The following LRP1B variants were observed in gnomAD, a reference collection of about 807,000 sequenced individuals.
LRP1B encodes the protein LDL receptor related protein 1B, also known as low-density lipoprotein receptor-related protein 1B.
LRP1B carries 217 observed loss-of-function variants against 556.6 expected under a neutral mutation model. The ratio of observed to expected loss-of-function variants is 0.39; its 90% CI spans 0.35 to 0.44. LRP1B has a LOEUF of 0.44. Ranked by LOEUF, LRP1B falls within the 20% of genes least tolerant of loss-of-function variation. The probability of loss-of-function intolerance (pLI) is 1.00; values close to 1 mark genes in which losing one functional copy is unlikely to be tolerated. For missense variants in LRP1B, 5,053 were observed against 5,620.8 expected, an observed-to-expected ratio of 0.90 and a Z score of 3.23; for synonymous variants, 2,047 against 1,865.8, an observed-to-expected ratio of 1.10 and a Z score of -2.50.
chr2:140,973,042 A>G lies in LRP1B; in HGVS notation c.2887+9118T>C, dbSNP rs551462485. Among the ~76,000 whole-genome samples the G allele has an allele frequency of 1.2e-4, 13 of 105,738 alleles. No homozygotes were observed. The East Asian group carries it at 2.1e-3, about 17-fold the overall frequency. 69.4% of individuals were successfully genotyped at this position (105,738 alleles called of 152,430 possible). ...ATTTTCATATATGCTTTCATTAAATATATTTCATTTTATATATATATATAT... is the reference window on the plus strand; with the variant it reads ...ATTTTCATATATGCTTTCATTAAATGTATTTCATTTTATATATATATATAT... On this transcript the variant is annotated intron_variant, in intron 18 of 90. Transcript: ENST00000389484.
Position 140,475,372 on chromosome 2 carries a change from G to A in LRP1B, c.9426-35C>T, listed in dbSNP as rs776877170. On this transcript the variant is annotated intron_variant, in intron 59 of 90. Coordinates refer to ENST00000389484, the MANE Select transcript of LRP1B (RefSeq NM_018557.3). ...AAAATCAATACTGATTTTGTTTACA[G>A]ATTCTCTGGGAGCAAAACAACAAAC... The A allele has an allele frequency of 2.7e-5, 40 of 1,473,454 alleles. No individual in the cohort carries two copies. In the Middle Eastern group the frequency reaches 5.3e-4, roughly 20 times the overall value. 91.3% of individuals were successfully genotyped at this position (1,473,454 alleles called of 1,614,324 possible).
At chr2:140,681,418 T>C (rs1364885811) in intron 41 of LRP1B, among the ~76,000 whole-genome samples, 1 of 152,156 alleles carries the variant, frequency 6.6e-6, no homozygotes, top group Non-Finnish European at 1.5e-5. Flanking sequence ...CACTCCATTA[T>C]TGTCAATAAA....
intron 1 of LRP1B, among the ~76,000 whole-genome samples, chr2:141,979,926 T>TA (rs1301596591): frequency 1.3e-5 from 2 of 152,136 alleles, no homozygotes; most frequent in African/African-American, 4.8e-5. Context: ...CCAGTTCTTG[T>TA]AATTGGTTTT....
chr2:141,793,538 G>T (rs1170340771), intron 2 of LRP1B, among the ~76,000 whole-genome samples: 1 of 151,796 alleles, frequency 6.6e-6, no homozygotes, highest in Non-Finnish European at 1.5e-5. Context: ...ATCACTCAAA[G>T]TTATCAGAAT....
At chr2:141,662,090 A>G (rs963933523) in intron 2 of LRP1B, among the ~76,000 whole-genome samples, 1 of 152,204 alleles carries the variant, frequency 6.6e-6, no homozygotes, top group African/African-American at 2.4e-5. Flanking sequence ...TAAGCTTCAT[A>G]AGCAAAGGAG....
intron 35 of LRP1B, among the ~76,000 whole-genome samples, chr2:140,748,166 ATATAT>A (rs1207320797): frequency 7.4e-6 from 1 of 135,814 alleles, no homozygotes; most frequent in Non-Finnish European, 1.6e-5. Flanking sequence ...ATATATTCAT[ATATAT>A]TATATATTCA....
chr2:141,169,013 C>T (rs958379595), intron 7 of LRP1B, among the ~76,000 whole-genome samples: 6 of 151,794 alleles, frequency 4.0e-5, no homozygotes, highest in South Asian at 2.1e-4. Flanking sequence ...TGGCCAGGCG[C>T]GGTGGCTCAG....
chr2:141,045,693 A>G (rs1698848054), intron 11 of LRP1B, among the ~76,000 whole-genome samples: 1 of 152,098 alleles, frequency 6.6e-6, no homozygotes, highest in South Asian at 2.1e-4. Context: ...CTAAATATGA[A>G]GCTTTATCCT....
Position 140,883,933 on chromosome 2 carries a change from C to G in LRP1B, c.4053G>C (p.Trp1351Cys), listed in dbSNP as rs2105187270. The G allele has an allele frequency of 6.2e-7, 1 of 1,613,702 alleles. No homozygotes were observed. The highest frequency in any genetic ancestry group is 1.1e-5 in the South Asian group (1 of 91,066). ...CGATTTGGTCCAGATTGCTGTCTAT[C>G]CAGTATATGTTTCCTGCTATCCAGT... is the stretch of plus-strand genomic sequence containing the variant. Reference protein sequence around the residue: ...TVDWIAGNIYWIDSNLDQIEV... With the variant: ...TVDWIAGNIYCIDSNLDQIEV... Residue 1351 changes from tryptophan (W) to cysteine (C), a missense_variant, in exon 25 of 91, where the codon TGG (tryptophan) becomes TGC (cysteine). Coordinates refer to ENST00000389484, the MANE Select transcript of LRP1B (RefSeq NM_018557.3).
chr2:141,182,989 A>G (rs1164199146), intron 7 of LRP1B, among the ~76,000 whole-genome samples: 1 of 151,960 alleles, frequency 6.6e-6, no homozygotes, highest in Non-Finnish European at 1.5e-5. Context: ...GGGGAGAAAA[A>G]AGTACAAAGG....
In LRP1B at chr2:140,483,646, T is replaced by A. The variant is rs867487819; in HGVS notation, c.9425+1697A>T. 2.6e-3 allele frequency among the ~76,000 whole-genome samples: 284 copies of A among 108,260 alleles called. 2 individuals carry two copies. Among genetic ancestry groups the A allele is most frequent in the South Asian group, 9.5e-3 (30 of 3,162 alleles). The allele number at this position is 108,260 out of a possible 152,430, so 71.0% of individuals were successfully genotyped here. ...TATATATATATATATATATATTTTT[T>A]TTTTTTTTTTTTGAGACACTGTCTG... On this transcript the variant is annotated intron_variant, in intron 59 of 90. Coordinates refer to ENST00000389484, the MANE Select transcript of LRP1B (RefSeq NM_018557.3).
chr2:141,920,454 G>GA (rs1700156701), intron 1 of LRP1B, among the ~76,000 whole-genome samples: 1 of 151,896 alleles, frequency 6.6e-6, no homozygotes, highest in Non-Finnish European at 1.5e-5. Flanking sequence ...AGAAGAGAAA[G>GA]AAAATGAGAA....
At chr2:141,956,170 G>A (rs1574528751) in intron 1 of LRP1B, among the ~76,000 whole-genome samples, 2 of 152,060 alleles carry the variant, frequency 1.3e-5, no homozygotes, top group African/African-American at 4.8e-5. Context: ...GCTTCAACTA[G>A]GCCAAACTTT....
chr2:140,839,532 T>C (rs2105093747), intron 31 of LRP1B, among the ~76,000 whole-genome samples: 1 of 152,336 alleles, frequency 6.6e-6, no homozygotes, highest in South Asian at 2.1e-4. Flanking sequence ...TATCCCATGC[T>C]GGATACTTCC....
intron 31 of LRP1B, among the ~76,000 whole-genome samples, chr2:140,824,360 G>A (rs1691433261): frequency 6.6e-6 from 1 of 151,864 alleles, no homozygotes; most frequent in African/African-American, 2.4e-5. Flanking sequence ...ATAAATGAGG[G>A]ATTACTGTAA....
chr2:142,124,609 T>C (rs191434816), intron 1 of LRP1B, among the ~76,000 whole-genome samples: 1 of 151,942 alleles, frequency 6.6e-6, no homozygotes, highest in Non-Finnish European at 1.5e-5. Flanking sequence ...ATAATAAATT[T>C]CCACTTTCAA....
intron 43 of LRP1B, among the ~76,000 whole-genome samples, chr2:140,553,749 G>A (rs916960434): frequency 1.3e-5 from 2 of 152,130 alleles, no homozygotes; most frequent in South Asian, 2.1e-4. Flanking sequence ...GATGGTAGAG[G>A]ACCCTGGAGC....
intron 2 of LRP1B, among the ~76,000 whole-genome samples, chr2:141,600,705 C>T (rs1687699928): frequency 6.6e-6 from 1 of 152,078 alleles, no homozygotes; most frequent in East Asian, 1.9e-4. Flanking sequence ...TTTCTTTATT[C>T]ATTGGATTCT....
At chr2:142,063,568 T>A (rs1003718027) in intron 1 of LRP1B, among the ~76,000 whole-genome samples, 12 of 151,616 alleles carry the variant, frequency 7.9e-5, no homozygotes, top group African/African-American at 2.7e-4. Flanking sequence ...TTATAACAGA[T>A]CTTTTCTAAT....
Sources: allele counts gnomAD v4.1 joint callset (sites outside exome capture counted in the v4.1 genomes callset), GRCh38; gene constraint gnomAD v4.1.1; transcripts MANE v1.5; gene names NCBI Gene and HGNC (gene_info 2026-07-23, HGNC 2026-07-21).